The following NALCN variants were observed in gnomAD, a reference collection of about 807,000 sequenced individuals.
The protein encoded by NALCN is sodium leak channel NALCN.
NALCN carries 111 observed loss-of-function variants against 225.3 expected under a neutral mutation model. The ratio of observed to expected loss-of-function variants is 0.49; its 90% confidence interval spans 0.42 to 0.58. The LOEUF (loss-of-function observed/expected upper bound fraction) is 0.58, where lower values mean the gene tolerates loss of function less well. Ranked by LOEUF, NALCN falls within the 20% of genes least tolerant of loss-of-function variation. NALCN has a pLI of 0.00. For synonymous variants in NALCN, 764 were observed against 769.0 expected (o/e 0.99, Z 0.11); for missense variants, 1,378 against 2,202.4 (o/e 0.63, Z 7.49).
At chr13:101,070,934 G>A (rs906084733) in intron 37 of NALCN, among the ~76,000 whole-genome samples, 1 of 152,174 alleles carries the variant, frequency 6.6e-6, no homozygotes, top group African/African-American at 2.4e-5. Context: ...GGCGGAAGGG[G>A]AAGCAAATAT....
chr13:101,336,395 T>G (rs2045379283), intron 7 of NALCN, among the ~76,000 whole-genome samples: 1 of 152,190 alleles, frequency 6.6e-6, no homozygotes, highest in African/African-American at 2.4e-5. Flanking sequence ...CAAATTTCAA[T>G]ACTCATAATT....
At chr13:101,347,984 CT>C (rs2045793807) in intron 6 of NALCN, among the ~76,000 whole-genome samples, 2 of 152,088 alleles carry the variant, frequency 1.3e-5, no homozygotes, top group South Asian at 4.1e-4. Flanking sequence ...GTTCATAGAA[CT>C]ATGCAGCTAA....
rs984763153 is a variant in NALCN at position 101,283,987 on chromosome 13, C to T, written c.1080G>A (p.Gln360=). ...MFHEDAAGGW[Q]LVAVDVNKPQ... is the part of the protein sequence containing the mutation. ...GCTTGTTGACATCCACAGCTACCAGCTGCCAACCTCCAGCAGCATCTTCAT... is the reference window on the plus strand; with the variant it reads ...GCTTGTTGACATCCACAGCTACCAGTTGCCAACCTCCAGCAGCATCTTCAT... Residue 360 remains glutamine (Q), a synonymous_variant, in exon 10 of 44, where the codon CAG becomes CAA. Transcript: ENST00000251127. 1 of 1,613,614 alleles carries T rather than the reference C, an allele frequency of 6.2e-7. No homozygotes were observed. Among genetic ancestry groups the T allele is most frequent in the African/African-American group, 1.3e-5 (1 of 74,922 alleles).
intron 6 of NALCN, among the ~76,000 whole-genome samples, chr13:101,365,294 G>T (rs1262202709): frequency 6.6e-6 from 1 of 151,996 alleles, no homozygotes; most frequent in Non-Finnish European, 1.5e-5. Context: ...GAGAACAAGC[G>T]GTATTTGGTT....
At chr13:101,211,808 C>T (rs909216686) in intron 13 of NALCN, among the ~76,000 whole-genome samples, 69 of 151,752 alleles carry the variant, frequency 4.5e-4, no homozygotes, top group African/African-American at 1.6e-3. Flanking sequence ...ACAGTAACAG[C>T]CTCACAGAAA....
At chr13:101,226,514 T>C (rs1041938333) in intron 13 of NALCN, among the ~76,000 whole-genome samples, 5 of 152,196 alleles carry the variant, frequency 3.3e-5, no homozygotes, top group Admixed American at 2.0e-4. Context: ...ATGGAAAAGA[T>C]GGCCAGCTGA....
chr13:101,300,335 CCTT>C (rs986088274), intron 7 of NALCN, among the ~76,000 whole-genome samples: 4 of 142,854 alleles, frequency 2.8e-5, no homozygotes, highest in African/African-American at 1.1e-4. Context: ...TTCCTTCCTT[CCTT>C]CTTTTTCTTT....
intron 15 of NALCN, among the ~76,000 whole-genome samples, chr13:101,163,060 C>T (rs2038263547): frequency 6.6e-6 from 1 of 152,166 alleles, no homozygotes; most frequent in Admixed American, 6.5e-5. Flanking sequence ...CGCCACTACG[C>T]CTGGCTAATT....
intron 14 of NALCN, among the ~76,000 whole-genome samples, chr13:101,184,848 A>T (rs1290047190): frequency 6.6e-6 from 1 of 152,080 alleles, no homozygotes; most frequent in Non-Finnish European, 1.5e-5. Flanking sequence ...TACCCTATAT[A>T]GCTTTCCCTT....
intron 18 of NALCN, chr13:101,116,823 GACA>G (rs2139670412): frequency 2.4e-6 from 1 of 410,508 alleles, no homozygotes; most frequent in East Asian, 7.1e-5. Context: ...CACATTAGCA[GACA>G]ACAGGAAAAT....
At chr13:101,294,421 C>G (rs894094921) in intron 7 of NALCN, among the ~76,000 whole-genome samples, 1 of 151,932 alleles carries the variant, frequency 6.6e-6, no homozygotes, top group African/African-American at 2.4e-5. Context: ...ATCCATAAAA[C>G]AAAATATCAC....
chr13:101,094,914 T>C (rs614728), intron 28 of NALCN, among the ~76,000 whole-genome samples: 103,043 of 152,034 alleles, frequency 0.68, 35,257 homozygotes, highest in South Asian at 0.72. Flanking sequence ...AAACAGATAA[T>C]AATTTTAAAG....
intron 27 of NALCN, among the ~76,000 whole-genome samples, chr13:101,098,594 C>T (rs1046173852): frequency 6.6e-6 from 1 of 152,188 alleles, no homozygotes; most frequent in Admixed American, 6.6e-5. Flanking sequence ...AACACATCTT[C>T]CCAACTGGAA....
chr13:101,312,297 T>G (rs1231338787), intron 7 of NALCN, among the ~76,000 whole-genome samples: 1 of 152,176 alleles, frequency 6.6e-6, no homozygotes, highest in Non-Finnish European at 1.5e-5. Flanking sequence ...TTTGTTGATC[T>G]TTTCAAAAAA....
At chr13:101,386,387 C>T (rs541666337) in intron 3 of NALCN, among the ~76,000 whole-genome samples, 3 of 152,294 alleles carry the variant, frequency 2.0e-5, no homozygotes, top group South Asian at 2.1e-4. Flanking sequence ...ACCAGGTTTT[C>T]TCTGAGGACA....
intron 39 of NALCN, 47 bp downstream of exon 39, chr13:101,067,871 A>G: frequency 7.8e-7 from 1 of 1,283,036 alleles, no homozygotes; most frequent in Non-Finnish European, 1.1e-6. Flanking sequence ...AGACATGTTG[A>G]TAAGTCTCTT....
intron 28 of NALCN, among the ~76,000 whole-genome samples, chr13:101,093,963 G>A (rs1460214278): frequency 6.6e-6 from 1 of 152,180 alleles, no homozygotes; most frequent in Non-Finnish European, 1.5e-5. Context: ...AAGGAATGGA[G>A]GAATGGAGTT....
intron 15 of NALCN, among the ~76,000 whole-genome samples, chr13:101,147,764 G>A (rs1336375499): frequency 6.6e-6 from 1 of 151,902 alleles, no homozygotes; most frequent in East Asian, 2.0e-4. Context: ...TGCCTGTCCA[G>A]CCTCAGCTAG....
chr13:101,195,739 C>T (rs945515205), intron 13 of NALCN, among the ~76,000 whole-genome samples: 1 of 152,146 alleles, frequency 6.6e-6, no homozygotes, highest in African/African-American at 2.4e-5. Flanking sequence ...TTCCCTTAAC[C>T]ACTCCCAAAT....
Sources: allele counts gnomAD v4.1 joint callset (sites outside exome capture counted in the v4.1 genomes callset), GRCh38; gene constraint gnomAD v4.1.1; transcripts MANE v1.5; gene names NCBI Gene and HGNC (gene_info 2026-07-23, HGNC 2026-07-21).